Variants in CD226 observed in about 807,000 individuals in gnomAD.
CD226 encodes CD226 molecule.
In CD226, 24 loss-of-function variants were observed where a neutral mutation model predicts 34.9. The ratio of observed to expected loss-of-function variants is 0.69; its 90% CI spans 0.50 to 0.97. The LOEUF is 0.97. CD226 is among the 50% of genes least tolerant of loss of function. CD226 has a pLI of 0.00. For missense variants in CD226, 397 were observed against 412.7 expected (o/e 0.96, Z 0.33); for synonymous variants, 148 against 147.4 (o/e 1.00, Z -0.03).
chr18:69,944,548 A>T (rs2145363139), intron 2 of CD226: 1 of 152,382 alleles, frequency 6.6e-6, no homozygotes, highest in East Asian at 1.9e-4. Flanking sequence ...TGAAAGGTTG[A>T]GCTGTTTTCA....
intron 2 of CD226, among the ~76,000 whole-genome samples, chr18:69,921,015 C>G (rs1013208442): frequency 6.6e-6 from 1 of 152,172 alleles, no homozygotes; most frequent in Non-Finnish European, 1.5e-5. Flanking sequence ...ACTGCCGTCA[C>G]AGGACGCAAT....
rs1982880060 is a variant in CD226, at chr18:69,862,523, CAT to C, written c.*1789_*1790del. ...AGGTATAAAAAGATCTTTAAGCAAA[CAT>C]AATAAAAATGAGAGTTTACCCTTCT... On this transcript the variant is annotated 3_prime_UTR_variant, in exon 6 of 6. Coordinates refer to ENST00000582621, the MANE Select transcript of CD226 (RefSeq NM_001303618.2). The C allele has an allele frequency of 6.6e-6, 1 of 152,054 alleles. No homozygotes were observed. Among genetic ancestry groups the C allele is most frequent in the South Asian group, 2.1e-4 (1 of 4,828 alleles). 9.4% of individuals were successfully genotyped at this position (152,054 alleles called of 1,614,324 possible). A position where few individuals can be genotyped will look rare whatever the true frequency, so the allele number is the denominator to read the frequency against.
chr18:69,919,707 A>G (rs1353518296), intron 2 of CD226, among the ~76,000 whole-genome samples: 1 of 152,214 alleles, frequency 6.6e-6, no homozygotes, highest in East Asian at 1.9e-4. Context: ...CTGACAAGGC[A>G]AATTGTTTAT....
At chr18:69,868,666 G>A (rs1193667870) in intron 4 of CD226, among the ~76,000 whole-genome samples, 1 of 152,134 alleles carries the variant, frequency 6.6e-6, no homozygotes, top group Non-Finnish European at 1.5e-5. Flanking sequence ...TCATTTTAAA[G>A]ATAAGGAAAA....
At position 69,867,369 on chromosome 18, in the gene CD226, C is replaced by T; in HGVS notation, c.873G>A (p.Trp291Ter). 4.4e-6 allele frequency: 7 copies of T among 1,595,944 alleles called. No homozygotes were observed. The highest frequency in any genetic ancestry group is 6.0e-6 in the Non-Finnish European group (7 of 1,163,784). ...CGTATAAACTTACCTTCTGTGTATCCCAGGACTCTGTAAATAGATCTCTTC... is the reference window on the plus strand; with the variant it reads ...CGTATAAACTTACCTTCTGTGTATCTCAGGACTCTGTAAATAGATCTCTTC... ...RERRDLFTES[W>*]DTQKAPNNYR... The change falls in exon 5 of 6, where the codon TGG (tryptophan) becomes TGA (stop). Residue 291 changes from tryptophan to a stop codon, truncating the protein, a stop_gained. Transcript: ENST00000582621. LOFTEE classifies it low-confidence loss of function (END_TRUNC).
upstream of CD226, among the ~76,000 whole-genome samples, chr18:69,950,773 A>G (rs553916375): frequency 6.6e-6 from 1 of 152,256 alleles, no homozygotes; most frequent in Admixed American, 6.5e-5. Context: ...TTCCTGGTAC[A>G]ATTCTAAGAG....
Position 69,895,797 on chromosome 18 carries a change from C to A in CD226, c.631G>T (p.Asp211Tyr). 1 of 1,614,134 alleles carries A rather than the reference C, an allele frequency of 6.2e-7. No individual in the cohort carries two copies. Among genetic ancestry groups the A allele is most frequent in the Non-Finnish European group, 8.5e-7 (1 of 1,180,024 alleles). The change falls in exon 3 of 6, where the codon GAT becomes TAT. Residue 211 changes from aspartate (D) to tyrosine (Y), a missense_variant. Transcript: ENST00000582621. The stretch of plus-strand genomic sequence containing the variant: ...AGCCCCGAGTCTGAGACTGTGACAT[C>A]GGGGATGACGATGACGCTCCACCTT... Reference protein sequence around the residue: ...HGRWSVIVIPDVTVSDSGLYR... With the variant: ...HGRWSVIVIPYVTVSDSGLYR...
intron 4 of CD226, among the ~76,000 whole-genome samples, chr18:69,868,629 T>A (rs1211976657): frequency 6.6e-6 from 1 of 152,208 alleles, no homozygotes. Context: ...TCAAAATAAA[T>A]CTATGATATA....
intron 3 of CD226, among the ~76,000 whole-genome samples, chr18:69,887,467 G>C (rs548009623): frequency 2.0e-4 from 30 of 152,270 alleles, no homozygotes; most frequent in Non-Finnish European, 3.7e-4. Context: ...TCCCTCCCAT[G>C]GGTTCATTTA....
chr18:69,947,520 G>A lies in CD226; in HGVS notation c.-114C>T, dbSNP rs1449780404. The A allele has an allele frequency of 2.7e-5, 16 of 587,066 alleles. No homozygotes were observed. The highest frequency in any genetic ancestry group is 4.4e-5 in the Non-Finnish European group (15 of 342,936). The allele number at this position is 587,066 out of a possible 1,614,324, so 36.4% of individuals were successfully genotyped here. ...TCCTTCCTCTCAGATGTTATCAGTC[G>A]TGTCTTCTTTTTCTGAAGTATGAAC... On this transcript the variant is annotated 5_prime_UTR_variant, in exon 1 of 6. The change creates a new upstream start codon in the 5' untranslated region. Transcript: ENST00000582621.
At chr18:69,872,233 T>C (rs997519695) in intron 4 of CD226, among the ~76,000 whole-genome samples, 2 of 152,084 alleles carry the variant, frequency 1.3e-5, no homozygotes, top group Non-Finnish European at 2.9e-5. Flanking sequence ...CCTAAGAAGA[T>C]AACACTTTAG....
rs1759162125 is a variant in CD226 at position 69,946,752 on chromosome 18, T to C, written c.364A>G (p.Ile122Val). Residue 122 changes from isoleucine (I) to valine (V), a missense_variant, in exon 2 of 6, where the codon ATA (isoleucine) becomes GTA (valine). Transcript: ENST00000582621. ...TYPQGTWQKV[I>V]QVVQSDSFEA... is the part of the protein sequence containing the mutation. ...CCCTTACCTGACTGAACCACCTGTATCACCTTCTGCCAAGTTCCCTGTGGG... is the reference window on the plus strand; with the variant it reads ...CCCTTACCTGACTGAACCACCTGTACCACCTTCTGCCAAGTTCCCTGTGGG... 6.2e-7 allele frequency: 1 copy of C among 1,611,966 alleles called. No homozygotes were observed. The highest frequency in any genetic ancestry group is 1.3e-5 in the African/African-American group (1 of 74,628).
intron 3 of CD226, among the ~76,000 whole-genome samples, chr18:69,883,667 A>G (rs1443779610): frequency 6.6e-6 from 1 of 152,268 alleles, no homozygotes; most frequent in Non-Finnish European, 1.5e-5. Flanking sequence ...GTATGTATAT[A>G]AGACATGTCA....
At chr18:69,901,300 T>C (rs1417951871) in intron 2 of CD226, among the ~76,000 whole-genome samples, 1 of 152,134 alleles carries the variant, frequency 6.6e-6, no homozygotes, top group Non-Finnish European at 1.5e-5. Context: ...TTTTAAGAAA[T>C]TATTGCTGTT....
At position 69,934,219 on chromosome 18, in the gene CD226, T is replaced by C. The variant is rs75902152; in HGVS notation, c.382+12515A>G. On this transcript the variant is annotated intron_variant, in intron 2 of 5. Transcript: ENST00000582621. ...ATGAATTAGGTAAATGACTTAAAAT[T>C]TGCTATAGTCTCGGGTTCTTTATAT... is the stretch of plus-strand genomic sequence containing the variant. Among the ~76,000 whole-genome samples, 133 of 152,030 alleles carry C rather than the reference T, an allele frequency of 8.7e-4. 1 individual carries two copies. Among genetic ancestry groups the C allele is most frequent in the Admixed American group, 7.3e-3 (111 of 15,278 alleles).
chr18:69,917,986 C>G (rs1460683665), intron 2 of CD226, among the ~76,000 whole-genome samples: 22 of 152,160 alleles, frequency 1.4e-4, no homozygotes, highest in Admixed American at 1.2e-3. Flanking sequence ...ACTGAACCCA[C>G]CTACCCAAGG....
At chr18:69,933,017 GC>G (rs1340855139) in intron 2 of CD226, among the ~76,000 whole-genome samples, 1 of 152,208 alleles carries the variant, frequency 6.6e-6, no homozygotes, top group Non-Finnish European at 1.5e-5. Context: ...CAGCAGGGGA[GC>G]TTTCCTGGTG....
chr18:69,957,966 C>T (rs1403948794), upstream of CD226, among the ~76,000 whole-genome samples: 1 of 152,196 alleles, frequency 6.6e-6, no homozygotes, highest in Non-Finnish European at 1.5e-5. Context: ...GCCTTTATTG[C>T]TCATCCAACT....
upstream of CD226, chr18:69,961,527 T>C (rs1427119626): frequency 6.6e-6 from 1 of 152,162 alleles, no homozygotes; most frequent in Admixed American, 6.5e-5. Context: ...CCCATGAAAG[T>C]AAGCAATGGA....
Sources: gnomAD v4.1 joint callset for allele counts (sites outside exome capture counted in the v4.1 genomes callset) on GRCh38, gnomAD v4.1.1 for gene constraint, MANE v1.5 for transcripts, NCBI Gene and HGNC (gene_info 2026-07-23, HGNC 2026-07-21) for gene names.